The following DPY19L2 variants were observed in gnomAD, a reference collection of about 807,000 sequenced individuals.
DPY19L2 encodes the protein dpy-19 like 2, also known as probable C-mannosyltransferase DPY19L2.
DPY19L2 carries 34 observed loss-of-function variants against 97.9 expected under a neutral mutation model. That is an observed-to-expected ratio of 0.35 (90% CI 0.26 to 0.46). The LOEUF (loss-of-function observed/expected upper bound fraction) is 0.46, where lower values mean the gene tolerates loss of function less well. DPY19L2 is among the 20% of genes least tolerant of loss of function. The probability of loss-of-function intolerance (pLI) is 1.00; values close to 1 mark genes in which losing one functional copy is unlikely to be tolerated. For missense variants in DPY19L2, 623 were observed against 911.4 expected (o/e 0.68, Z 4.07); for synonymous variants, 230 against 307.9 (o/e 0.75, Z 2.65).
intron 21 of DPY19L2, among the ~76,000 whole-genome samples, chr12:63,563,137 GT>G (rs1876962165): frequency 6.6e-6 from 1 of 151,946 alleles, no homozygotes; most frequent in Non-Finnish European, 1.5e-5. Context: ...TTATTATTGG[GT>G]TTTGAGAGTT....
At chr12:63,580,190 A>G (rs994539808) in intron 19 of DPY19L2, among the ~76,000 whole-genome samples, 6 of 152,050 alleles carry the variant, frequency 3.9e-5, no homozygotes, top group Non-Finnish European at 7.4e-5. Context: ...TCTGCCAATG[A>G]CCTGTTTTAC....
At chr12:63,579,966 A>G (rs1239395113) in intron 19 of DPY19L2, among the ~76,000 whole-genome samples, 1 of 152,154 alleles carries the variant, frequency 6.6e-6, no homozygotes, top group African/African-American at 2.4e-5. Flanking sequence ...ATTAAAAATA[A>G]TCTTTGATTT....
Position 63,559,717 on chromosome 12 carries a change from G to A in DPY19L2, c.*795C>T, listed in dbSNP as rs1255272453. On this transcript the variant is annotated 3_prime_UTR_variant, in exon 22 of 22. Coordinates refer to ENST00000324472, the MANE Select transcript of DPY19L2 (RefSeq NM_173812.5). ...AAAATCTCACTTCATAAATTTAACT[G>A]GATTTTCTTTTCTGATTATGTTTAA... The A allele has an allele frequency of 6.6e-6, 1 of 151,894 alleles. No homozygotes were observed. Among genetic ancestry groups the A allele is most frequent in the Non-Finnish European group, 1.5e-5 (1 of 67,974 alleles). The allele number at this position is 151,894 out of a possible 1,614,324, so 9.4% of individuals were successfully genotyped here.
chr12:63,639,051 A>G (rs559446540), intron 6 of DPY19L2, among the ~76,000 whole-genome samples: 6 of 152,294 alleles, frequency 3.9e-5, no homozygotes, highest in East Asian at 1.9e-4. Flanking sequence ...ATAATGCTGC[A>G]TATCTACAAC....
At chr12:63,571,664 A>G (rs1316413231) in intron 19 of DPY19L2, among the ~76,000 whole-genome samples, 3 of 152,074 alleles carry the variant, frequency 2.0e-5, no homozygotes, top group African/African-American at 7.2e-5. Context: ...CAGAGTTACC[A>G]TTTGACTTGA....
At chr12:63,634,544 G>A (rs1022642476) in intron 6 of DPY19L2, among the ~76,000 whole-genome samples, 32 of 152,172 alleles carry the variant, frequency 2.1e-4, no homozygotes, top group Non-Finnish European at 3.8e-4. Flanking sequence ...AAGGGAAGCC[G>A]TGATAGACAG....
At chr12:63,659,520 T>C (rs747560120) in intron 4 of DPY19L2, among the ~76,000 whole-genome samples, 76 of 151,566 alleles carry the variant, frequency 5.0e-4, no homozygotes, top group Non-Finnish European at 6.2e-4. Context: ...TAACATTAGA[T>C]AGAAATGCAA....
At chr12:63,637,001 C>A (rs935946130) in intron 6 of DPY19L2, among the ~76,000 whole-genome samples, 3 of 152,118 alleles carry the variant, frequency 2.0e-5, no homozygotes, top group African/African-American at 7.2e-5. Flanking sequence ...AGCACCACAT[C>A]GTACTTATTT....
intron 6 of DPY19L2, among the ~76,000 whole-genome samples, chr12:63,630,883 C>A (rs1322300446): frequency 6.6e-6 from 1 of 152,134 alleles, no homozygotes; most frequent in Non-Finnish European, 1.5e-5. Context: ...GACGGCAGTG[C>A]AATCAAACTA....
In DPY19L2 at chr12:63,594,225, AAAG is replaced by A. The variant is rs1308119356; in HGVS notation, c.1534-95_1534-93del. On this transcript the variant is annotated intron_variant, in intron 15 of 21. Transcript: ENST00000324472. The stretch of plus-strand genomic sequence containing the variant: ...CATTAATATAAACACTCTGCCAAGG[AAAG>A]AAGTATTTTTTAATGTTTAAGGGAG... 5.0e-6 allele frequency: 5 copies of A among 994,364 alleles called. No homozygotes were observed. The African/African-American group carries it at 8.5e-5, about 17-fold the overall frequency. The allele number at this position is 994,364 out of a possible 1,614,324, so 61.6% of individuals were successfully genotyped here. A position where few individuals can be genotyped will look rare whatever the true frequency, so the allele number is the denominator to read the frequency against.
In DPY19L2 at chr12:63,617,299, C is replaced by T. The variant is rs780159596; in HGVS notation, c.1218+5G>A. 3.8e-6 allele frequency: 6 copies of T among 1,586,316 alleles called. No individual in the cohort carries two copies. Among genetic ancestry groups the T allele is most frequent in the Non-Finnish European group, 5.2e-6 (6 of 1,161,932 alleles). On this transcript the variant is annotated splice_donor_5th_base_variant and intron_variant, in intron 11 of 21. Coordinates refer to ENST00000324472, the MANE Select transcript of DPY19L2 (RefSeq NM_173812.5). Reference sequence around the variant, plus strand: ...AAAAACCAACTTTATGAACTAAACACTTACCCACGTCATTAACAAAGATGA... The same window carrying T: ...AAAAACCAACTTTATGAACTAAACATTTACCCACGTCATTAACAAAGATGA...
chr12:63,570,987 T>C (rs1878732800), intron 19 of DPY19L2, 130 bp from the exon 20 acceptor site: 1 of 842,540 alleles, frequency 1.2e-6, no homozygotes, highest in African/African-American at 1.7e-5. Flanking sequence ...GACCTCATTC[T>C]TTTATTGACT....
chr12:63,621,322 ATCATTGCTT>A lies in DPY19L2; in HGVS notation c.960_968del (p.Ser321_Asp323del). The A allele has an allele frequency of 1.0e-6, 1 of 958,752 alleles. No individual in the cohort carries two copies. Among genetic ancestry groups the A allele is most frequent in the South Asian group, 1.5e-5 (1 of 68,586 alleles). The allele number at this position is 958,752 out of a possible 1,614,324, so 59.4% of individuals were successfully genotyped here. On this transcript the variant is annotated inframe_deletion, in exon 9 of 22. Transcript: ENST00000324472. ...GACAGAGTGCAATGAAGGGCCTTCT[ATCATTGCTT>A]GAGGTCCTTAATAGAGAGAATTGAT...
intron 4 of DPY19L2, among the ~76,000 whole-genome samples, chr12:63,653,657 C>G (rs896858548): frequency 1.3e-5 from 2 of 152,012 alleles, no homozygotes; most frequent in Non-Finnish European, 2.9e-5. Context: ...AGAAGCTGAG[C>G]AAATCTCAAA....
chr12:63,562,265 C>T (rs1306955761), intron 21 of DPY19L2, among the ~76,000 whole-genome samples: 1 of 152,072 alleles, frequency 6.6e-6, no homozygotes, highest in Non-Finnish European at 1.5e-5. Context: ...CTTTTGTAAT[C>T]CTAATTATTG....
At chr12:63,655,593 C>A (rs1894856970) in intron 4 of DPY19L2, among the ~76,000 whole-genome samples, 1 of 152,056 alleles carries the variant, frequency 6.6e-6, no homozygotes, top group African/African-American at 2.4e-5. Context: ...ATGAAACAGG[C>A]ATCAAGGGGT....
rs777692293 is a variant in DPY19L2, at chr12:63,600,400, T to C, written c.1279-14A>G. On this transcript the variant is annotated splice_polypyrimidine_tract_variant and intron_variant, in intron 12 of 21. Transcript: ENST00000324472. Reference sequence around the variant, plus strand: ...ACCTTGAATTAGCTAGAAAATAAAATAGAAGTCCAGTATTTAAAACTACAA... The same window carrying C: ...ACCTTGAATTAGCTAGAAAATAAAACAGAAGTCCAGTATTTAAAACTACAA... 5.3e-6 allele frequency: 8 copies of C among 1,523,096 alleles called. No individual in the cohort carries two copies. In the Admixed American group the frequency reaches 6.7e-5, roughly 13 times the overall value. The allele number at this position is 1,523,096 out of a possible 1,614,324, so 94.3% of individuals were successfully genotyped here.
intron 17 of DPY19L2, 91 bp downstream of exon 17, chr12:63,583,721 G>T: frequency 7.9e-7 from 1 of 1,261,850 alleles, no homozygotes; most frequent in Non-Finnish European, 1.1e-6. Flanking sequence ...ACTACTGAAG[G>T]TGCATCAGCA....
chr12:63,592,545 T>G (rs887295658), intron 16 of DPY19L2, among the ~76,000 whole-genome samples: 1 of 150,290 alleles, frequency 6.7e-6, no homozygotes, highest in African/African-American at 2.5e-5. Context: ...GGGAAAGGAT[T>G]CCCTATTTAA....
Sources: allele counts gnomAD v4.1 joint callset (sites outside exome capture counted in the v4.1 genomes callset), GRCh38; gene constraint gnomAD v4.1.1; transcripts MANE v1.5; gene names NCBI Gene and HGNC (gene_info 2026-07-23, HGNC 2026-07-21).